DOCK7: variants seen among roughly 807,000 people sequenced by gnomAD.
DOCK7 encodes the protein dedicator of cytokinesis 7.
Under a neutral mutation model 271.0 loss-of-function variants are expected in DOCK7, and 138 were observed. The ratio of observed to expected loss-of-function variants is 0.51; its 90% CI spans 0.44 to 0.59. The LOEUF is 0.59. Among genes scored for constraint, DOCK7 ranks in the 20% least tolerant of loss-of-function variants. The pLI is 0.00. For missense variants in DOCK7, 2,066 were observed against 2,592.4 expected, an observed-to-expected ratio of 0.80 and a Z score of 4.41; for synonymous variants, 823 against 876.1, an observed-to-expected ratio of 0.94 and a Z score of 1.07.
intron 1 of DOCK7, among the ~76,000 whole-genome samples, chr1:62,682,441 T>C (rs1661275824): frequency 6.6e-6 from 1 of 152,136 alleles, no homozygotes; most frequent in African/African-American, 2.4e-5. Context: ...ATGGGATCTG[T>C]GTGAAGCACT....
At chr1:62,572,950 T>C (rs977116851) in intron 18 of DOCK7, among the ~76,000 whole-genome samples, 1 of 152,216 alleles carries the variant, frequency 6.6e-6, no homozygotes, top group Non-Finnish European at 1.5e-5. Flanking sequence ...AATCCCTTCA[T>C]AATCGCACAC....
chr1:62,553,908 G>A (rs976896188), intron 21 of DOCK7, among the ~76,000 whole-genome samples: 3 of 151,088 alleles, frequency 2.0e-5, no homozygotes, highest in African/African-American at 4.9e-5. Context: ...TTGGTATTTC[G>A]GACCCAAGAT....
At chr1:62,684,668 A>T (rs1661534495) in intron 1 of DOCK7, among the ~76,000 whole-genome samples, 2 of 152,176 alleles carry the variant, frequency 1.3e-5, no homozygotes, top group Admixed American at 1.3e-4. Flanking sequence ...TCCCAACAAA[A>T]TCCTAGACAA....
intron 18 of DOCK7, among the ~76,000 whole-genome samples, chr1:62,562,233 C>CATTTTTTTTT (rs1646347064): frequency 2.5e-5 from 3 of 121,260 alleles, no homozygotes; most frequent in African/African-American, 6.0e-5. Context: ...GATCCAAAAA[C>CATTTTTTTTT]TTTTTTTTTT....
At chr1:62,481,424 G>A (rs943679535) in intron 43 of DOCK7, 19 of 152,082 alleles carry the variant, frequency 1.2e-4, no homozygotes, top group African/African-American at 1.4e-4. Context: ...AAACTACTAC[G>A]GAAGTATGCT....
At chr1:62,661,206 A>G (rs540066141) in intron 2 of DOCK7, among the ~76,000 whole-genome samples, 2 of 152,286 alleles carry the variant, frequency 1.3e-5, no homozygotes, top group African/African-American at 4.8e-5. Flanking sequence ...TTCCACTTAC[A>G]TCAGGTACAC....
At chr1:62,553,348 ATATATATTTTTTTTTTTTTTTTTTTTT>A (rs1646010790) in intron 21 of DOCK7, among the ~76,000 whole-genome samples, 12 of 22,620 alleles carry the variant, frequency 5.3e-4, no homozygotes, top group South Asian at 2.2e-3. Flanking sequence ...ATATATATAT[ATATATATTTTTTTTTTTTTTTTTTTTT>A]TTTTTTTTTT....
At chr1:62,601,622 G>A (rs888937233) in intron 14 of DOCK7, 6 of 566,898 alleles carry the variant, frequency 1.1e-5, no homozygotes, top group African/African-American at 3.8e-5. Context: ...TAAATAACAC[G>A]CCATCTAAGA....
intron 29 of DOCK7, among the ~76,000 whole-genome samples, chr1:62,532,511 T>G (rs1287484023): frequency 6.6e-6 from 1 of 152,136 alleles, no homozygotes; most frequent in Non-Finnish European, 1.5e-5. Flanking sequence ...AAAAAAATTT[T>G]TTTGGTACAG....
intron 23 of DOCK7, among the ~76,000 whole-genome samples, chr1:62,544,501 C>T (rs1645636519): frequency 6.6e-6 from 1 of 152,122 alleles, no homozygotes; most frequent in Non-Finnish European, 1.5e-5. Flanking sequence ...GCCAGTCTTT[C>T]TATTCGGTGA....
chr1:62,524,791 G>A (rs1027302384), intron 31 of DOCK7, among the ~76,000 whole-genome samples: 3 of 150,558 alleles, frequency 2.0e-5, no homozygotes, highest in African/African-American at 4.9e-5. Flanking sequence ...CCAGCTACTC[G>A]GGAGACTGAG....
intron 13 of DOCK7, among the ~76,000 whole-genome samples, chr1:62,619,359 A>C (rs1463684634): frequency 6.6e-6 from 1 of 152,202 alleles, no homozygotes; most frequent in Non-Finnish European, 1.5e-5. Flanking sequence ...TAGTATAGTA[A>C]TTCCTTCCAT....
At chr1:62,675,864 G>C (rs1026511146) in intron 1 of DOCK7, among the ~76,000 whole-genome samples, 1 of 152,088 alleles carries the variant, frequency 6.6e-6, no homozygotes, top group Admixed American at 6.5e-5. Flanking sequence ...ACACTCACCA[G>C]AATGTCTATA....
chr1:62,586,688 A>G, intron 14 of DOCK7, 64 bp from the exon 15 acceptor site: 1 of 915,270 alleles, frequency 1.1e-6, no homozygotes, highest in Middle Eastern at 2.2e-4. Flanking sequence ...TATCACTCAC[A>G]AAATACCACA....
chr1:62,623,635 AAG>A (rs957329526), intron 12 of DOCK7, among the ~76,000 whole-genome samples: 1 of 152,204 alleles, frequency 6.6e-6, no homozygotes, highest in African/African-American at 2.4e-5. Flanking sequence ...AAGAAGTAGA[AAG>A]AGGGGGAAGT....
At chr1:62,678,519 C>T (rs1263222486) in intron 1 of DOCK7, among the ~76,000 whole-genome samples, 1 of 152,118 alleles carries the variant, frequency 6.6e-6, no homozygotes, top group Non-Finnish European at 1.5e-5. Flanking sequence ...TGGAGAAATA[C>T]ACTATGGATC....
intron 14 of DOCK7, among the ~76,000 whole-genome samples, chr1:62,588,883 G>T (rs550928120): frequency 6.6e-6 from 1 of 152,214 alleles, no homozygotes; most frequent in East Asian, 1.9e-4. Flanking sequence ...TGGGACTACA[G>T]GCACGTGCCA....
intron 2 of DOCK7, among the ~76,000 whole-genome samples, chr1:62,655,657 G>A (rs1046943003): frequency 2.0e-5 from 3 of 152,120 alleles, no homozygotes; most frequent in African/African-American, 7.2e-5. Context: ...GAACTCCTGA[G>A]CTCAAGCAAT....
At chr1:62,685,960 G>C (rs898753388) in intron 1 of DOCK7, among the ~76,000 whole-genome samples, 13 of 152,004 alleles carry the variant, frequency 8.6e-5, no homozygotes, top group Non-Finnish European at 1.3e-4. Flanking sequence ...TTTGCATTTT[G>C]TGTTGTTTTG....
Sources: allele counts gnomAD v4.1 joint callset (sites outside exome capture counted in the v4.1 genomes callset), GRCh38; gene constraint gnomAD v4.1.1; transcripts MANE v1.5; gene names NCBI Gene and HGNC (gene_info 2026-07-23, HGNC 2026-07-21).